Variants in LRRC4C observed in about 807,000 individuals in gnomAD.
LRRC4C encodes leucine-rich repeat-containing protein 4C.
A neutral mutation model predicts 33.6 loss-of-function variants in LRRC4C; 5 were observed. The ratio of observed to expected loss-of-function variants is 0.15; its 90% CI spans 0.08 to 0.31. LRRC4C has a LOEUF of 0.31. LRRC4C is among the 10% of genes least tolerant of loss of function. The pLI is 1.00. For synonymous variants in LRRC4C, 329 were observed against 302.0 expected, an observed-to-expected ratio of 1.09 and a Z score of -0.93; for missense variants, 560 against 796.7, an observed-to-expected ratio of 0.70 and a Z score of 3.58.
At chr11:41,406,139 T>A (rs1406230526) in intron 1 of LRRC4C, among the ~76,000 whole-genome samples, 1 of 152,156 alleles carries the variant, frequency 6.6e-6, no homozygotes, top group East Asian at 1.9e-4. Flanking sequence ...AGAAGCTACA[T>A]AAGTATGACT....
rs181246211 is a variant in LRRC4C at position 41,101,246 on chromosome 11, C to T, written c.-495-167523G>A. Among the ~76,000 whole-genome samples, 6 of 152,108 alleles carry T rather than the reference C, an allele frequency of 3.9e-5. No individual in the cohort carries two copies. In the East Asian group the frequency reaches 5.8e-4, roughly 15 times the overall value. On this transcript the variant is annotated intron_variant, in intron 1 of 6. Transcript: ENST00000528697. ...ACAGAGTAGAAGAAAATATTCCTAT[C>T]GCATCTGACAAAGGTCTAATATGTA...
chr11:41,006,626 C>T (rs1854772366), intron 1 of LRRC4C, among the ~76,000 whole-genome samples: 2 of 151,056 alleles, frequency 1.3e-5, no homozygotes. Flanking sequence ...AGAATAATGG[C>T]AAATAGAAAT....
At chr11:40,570,389 A>G (rs1367297465) in intron 3 of LRRC4C, among the ~76,000 whole-genome samples, 1 of 152,130 alleles carries the variant, frequency 6.6e-6, no homozygotes, top group Non-Finnish European at 1.5e-5. Context: ...TGGTATAGAA[A>G]ACTGTCATTG....
At chr11:40,879,955 T>G (rs1027081100) in intron 2 of LRRC4C, among the ~76,000 whole-genome samples, 4 of 152,124 alleles carry the variant, frequency 2.6e-5, no homozygotes. Flanking sequence ...CATCTCTCTT[T>G]GCAACTGGAC....
chr11:40,437,601 C>A (rs897433819), intron 3 of LRRC4C, among the ~76,000 whole-genome samples: 6 of 152,026 alleles, frequency 3.9e-5, no homozygotes, highest in African/African-American at 1.4e-4. Flanking sequence ...TCCATGTTGA[C>A]CAGGCTGGTC....
intron 4 of LRRC4C, among the ~76,000 whole-genome samples, chr11:40,294,982 C>T (rs1231888947): frequency 6.6e-6 from 1 of 152,092 alleles, no homozygotes; most frequent in Non-Finnish European, 1.5e-5. Context: ...TAGCCTTCAG[C>T]CTATGCAGTG....
chr11:40,783,295 A>G (rs1438370040), intron 2 of LRRC4C, among the ~76,000 whole-genome samples: 2 of 147,944 alleles, frequency 1.4e-5, no homozygotes, highest in Admixed American at 6.7e-5. Context: ...ATTTTATTTT[A>G]TTTTATTTTT....
intron 5 of LRRC4C, among the ~76,000 whole-genome samples, chr11:40,210,033 G>A (rs1234210964): frequency 6.6e-6 from 1 of 152,070 alleles, no homozygotes; most frequent in Non-Finnish European, 1.5e-5. Flanking sequence ...GTTCAAGAGT[G>A]GGATGAAGAT....
intron 3 of LRRC4C, among the ~76,000 whole-genome samples, chr11:40,518,808 G>A (rs916043278): frequency 6.9e-5 from 8 of 115,430 alleles, no homozygotes; most frequent in South Asian, 2.8e-4. Flanking sequence ...CACATATTGC[G>A]GCACTATTCA....
intron 1 of LRRC4C, among the ~76,000 whole-genome samples, chr11:40,973,655 G>A (rs962843877): frequency 1.3e-5 from 2 of 152,134 alleles, no homozygotes; most frequent in Non-Finnish European, 2.9e-5. Context: ...TTAAAAAATA[G>A]TGTAAATTCT....
intron 1 of LRRC4C, among the ~76,000 whole-genome samples, chr11:41,173,801 A>T (rs185554126): frequency 7.9e-5 from 12 of 152,286 alleles, no homozygotes; most frequent in Admixed American, 7.9e-4. Context: ...ACTTCAGTGC[A>T]TGACTCAGTG....
chr11:40,865,035 G>A (rs763569990), intron 2 of LRRC4C, among the ~76,000 whole-genome samples: 4 of 152,142 alleles, frequency 2.6e-5, no homozygotes, highest in South Asian at 2.1e-4. Context: ...TTCATGTCTC[G>A]GCTATTGTGA....
intron 2 of LRRC4C, among the ~76,000 whole-genome samples, chr11:40,679,528 C>G (rs1264232467): frequency 1.3e-5 from 2 of 152,324 alleles, no homozygotes; most frequent in African/African-American, 4.8e-5. Context: ...GGCCCAGGAT[C>G]CCTCTGCTGT....
chr11:40,795,994 T>C (rs1354201225), intron 2 of LRRC4C, among the ~76,000 whole-genome samples: 2 of 152,162 alleles, frequency 1.3e-5, no homozygotes, highest in African/African-American at 4.8e-5. Context: ...CGTCTATATA[T>C]TATCTATAAG....
chr11:40,152,993 A>G (rs1361235237), intron 5 of LRRC4C, among the ~76,000 whole-genome samples: 1 of 152,142 alleles, frequency 6.6e-6, no homozygotes, highest in Non-Finnish European at 1.5e-5. Flanking sequence ...GAGCACAAAA[A>G]TAGAGCATTA....
intron 2 of LRRC4C, among the ~76,000 whole-genome samples, chr11:40,871,244 C>T (rs865873249): frequency 3.9e-5 from 6 of 152,194 alleles, no homozygotes; most frequent in Admixed American, 6.5e-5. Flanking sequence ...GCCCTGCCTC[C>T]ATTTGCCTTG....
At chr11:41,284,273 T>C (rs1398887691) in intron 1 of LRRC4C, among the ~76,000 whole-genome samples, 1 of 152,246 alleles carries the variant, frequency 6.6e-6, no homozygotes, top group Non-Finnish European at 1.5e-5. Context: ...GCTATAACTA[T>C]GGAAACACTT....
intron 4 of LRRC4C, among the ~76,000 whole-genome samples, chr11:40,302,885 T>C (rs1018568879): frequency 2.6e-5 from 4 of 152,200 alleles, no homozygotes; most frequent in Admixed American, 2.6e-4. Flanking sequence ...GACCTCAGTC[T>C]GAATCTGACA....
chr11:41,385,256 C>T (rs1436340878), intron 1 of LRRC4C, among the ~76,000 whole-genome samples: 1 of 151,412 alleles, frequency 6.6e-6, no homozygotes, highest in East Asian at 2.0e-4. Flanking sequence ...GATAAACTTG[C>T]TTTAATGAAT....
Sources: gnomAD v4.1 joint callset for allele counts (sites outside exome capture counted in the v4.1 genomes callset) on GRCh38, gnomAD v4.1.1 for gene constraint, MANE v1.5 for transcripts, NCBI Gene and HGNC (gene_info 2026-07-23, HGNC 2026-07-21) for gene names.